CASK: variants seen among roughly 807,000 people sequenced by gnomAD.
The protein encoded by CASK is peripheral plasma membrane protein CASK.
A neutral mutation model predicts 82.9 loss-of-function variants in CASK; 4 were observed. The observed-to-expected ratio is 0.05, with a 90% CI of 0.02 to 0.11. The LOEUF (loss-of-function observed/expected upper bound fraction) is 0.11, where lower values mean the gene tolerates loss of function less well. Among genes scored for constraint, CASK ranks in the 10% least tolerant of loss-of-function variants. CASK has a pLI of 1.00. For synonymous variants in CASK, 259 were observed against 253.5 expected (o/e 1.02, Z -0.20); for missense variants, 358 against 720.9 (o/e 0.50, Z 5.76).
rs141103300 is a variant in CASK, at chrX:41,692,099, T to C, written c.430-20569A>G. Among the ~76,000 whole-genome samples the C allele has an allele frequency of 3.5e-3, 385 of 111,440 alleles. 2 individuals are homozygous for C. The highest frequency in any genetic ancestry group is 0.012 in the African/African-American group (368 of 30,672). On this transcript the variant is annotated intron_variant, in intron 5 of 26. Coordinates refer to ENST00000378163, the MANE Select transcript of CASK (RefSeq NM_001367721.1). ...CATTACCTCTTTTGTGATACCTACC[T>C]CACAGAGTATTGCAAGAATTATGTA... is the stretch of plus-strand genomic sequence containing the variant.
chrX:41,547,716 G>A (rs980760421), intron 21 of CASK, among the ~76,000 whole-genome samples: 2 of 108,637 alleles, frequency 1.8e-5, no homozygotes, highest in African/African-American at 3.4e-5. Context: ...TCCACCTCCC[G>A]GGTCCAAGCC....
At chrX:41,671,182 C>T (rs2067192686) in intron 6 of CASK, among the ~76,000 whole-genome samples, 1 of 112,135 alleles carries the variant, frequency 8.9e-6, no homozygotes, top group Non-Finnish European at 1.9e-5. Context: ...CTGTTTTAAT[C>T]TTGTACAGTC....
In CASK at chrX:41,813,614, T is replaced by C. The variant is rs771547047; in HGVS notation, c.173-26331A>G. 1.2e-3 allele frequency among the ~76,000 whole-genome samples: 130 copies of C among 111,846 alleles called. 1 individual carries two copies. Among genetic ancestry groups the C allele is most frequent in the African/African-American group, 3.8e-3 (117 of 30,756 alleles). On this transcript the variant is annotated intron_variant, in intron 2 of 26. Transcript: ENST00000378163. ...ATTCAAGGTGGATTAAAGACTTAAATATTAGACCTAAAACCATAAAAACCC... is the reference window on the plus strand; with the variant it reads ...ATTCAAGGTGGATTAAAGACTTAAACATTAGACCTAAAACCATAAAAACCC...
At chrX:41,673,843 T>TG (rs2067229610) in intron 5 of CASK, among the ~76,000 whole-genome samples, 2 of 104,103 alleles carry the variant, frequency 1.9e-5, no homozygotes, top group Non-Finnish European at 3.9e-5. Context: ...TTTTTTTTTT[T>TG]TTTTTTTTTG....
chrX:41,762,039 CTT>C, intron 3 of CASK, among the ~76,000 whole-genome samples: 1 of 111,977 alleles, frequency 8.9e-6, no homozygotes, highest in Middle Eastern at 4.6e-3. Flanking sequence ...CAAGTAGTAA[CTT>C]ATTTAATCCT....
rs2064534122 is a variant in CASK, at chrX:41,515,577, C to G, written c.*4843G>C. ...CGTGAGGATTGGGCGGCCTTCACAT[C>G]AGTCACGCTGCCTGCTGCACCCGGC... On this transcript the variant is annotated 3_prime_UTR_variant, in exon 27 of 27. Transcript: ENST00000378163. 8.9e-6 allele frequency: 1 copy of G among 111,992 alleles called. No individual in the cohort carries two copies. The highest frequency in any genetic ancestry group is 2.8e-4 in the East Asian group (1 of 3,564). 9.2% of individuals were successfully genotyped at this position (111,992 alleles called of 1,213,427 possible). A position where few individuals can be genotyped will look rare whatever the true frequency, so the allele number is the denominator to read the frequency against.
At chrX:41,584,193 A>T (rs144238095) in intron 14 of CASK, 1 of 112,992 alleles carries the variant, frequency 8.9e-6, no homozygotes, top group Non-Finnish European at 1.9e-5. Context: ...GATACTATGG[A>T]GCAACTAATA....
At chrX:41,554,719 C>T (rs769283431) in intron 20 of CASK, among the ~76,000 whole-genome samples, 1 of 111,375 alleles carries the variant, frequency 9.0e-6, no homozygotes, top group Admixed American at 9.6e-5. Flanking sequence ...TTTTTAAATG[C>T]TTTAAGATAA....
chrX:41,907,616 TA>T (rs1382088730), intron 1 of CASK, among the ~76,000 whole-genome samples: 1 of 111,513 alleles, frequency 9.0e-6, no homozygotes, highest in Non-Finnish European at 1.9e-5. Context: ...TTGCCCGAAA[TA>T]TTCAATATCT....
At chrX:41,576,255 G>A (rs762749013) in intron 15 of CASK, among the ~76,000 whole-genome samples, 2 of 111,150 alleles carry the variant, frequency 1.8e-5, no homozygotes, top group Non-Finnish European at 3.8e-5. Flanking sequence ...TTACAGGTGT[G>A]AGCCACTGCA....
At chrX:41,798,935 C>T (rs1277924965) in intron 2 of CASK, among the ~76,000 whole-genome samples, 1 of 112,186 alleles carries the variant, frequency 8.9e-6, no homozygotes, top group Non-Finnish European at 1.9e-5. Flanking sequence ...GTAGTCTGGC[C>T]CCAGAACCTA....
At chrX:41,684,142 G>C (rs1286492687) in intron 5 of CASK, among the ~76,000 whole-genome samples, 1 of 112,215 alleles carries the variant, frequency 8.9e-6, no homozygotes, top group Admixed American at 9.5e-5. Context: ...CTTGTGAGTG[G>C]AAGTTTGAAG....
chrX:41,785,621 GGA>G (rs1223321745), intron 3 of CASK, among the ~76,000 whole-genome samples: 2 of 112,323 alleles, frequency 1.8e-5, no homozygotes, highest in African/African-American at 6.5e-5. Flanking sequence ...TTTGAATGAA[GGA>G]GTTAACATTA....
At chrX:41,672,112 C>T (rs774081212) in intron 5 of CASK, among the ~76,000 whole-genome samples, 3 of 110,793 alleles carry the variant, frequency 2.7e-5, no homozygotes, top group African/African-American at 9.9e-5. Context: ...GACTTCAACG[C>T]TCTTCCTGGG....
In CASK at chrX:41,619,304, C is replaced by CT. The variant is rs778017710; in HGVS notation, c.1033+3312dup. Among the ~76,000 whole-genome samples the CT allele has an allele frequency of 3.6e-3, 371 of 103,008 alleles. 1 individual carries two copies. Among genetic ancestry groups the CT allele is most frequent in the African/African-American group, 0.011 (316 of 28,567 alleles). 89.5% of individuals were successfully genotyped at this position (103,008 alleles called of 115,157 possible). A position where few individuals can be genotyped will look rare whatever the true frequency, so the allele number is the denominator to read the frequency against. On this transcript the variant is annotated intron_variant, in intron 11 of 26. Coordinates refer to ENST00000378163, the MANE Select transcript of CASK (RefSeq NM_001367721.1). ...TCTAAAAATCAGGTTTATAATCATA[C>CT]TTTTTTTTTTTTTAAATAGAGATGG...
chrX:41,693,659 G>T (rs1483339131), intron 5 of CASK, among the ~76,000 whole-genome samples: 1 of 111,443 alleles, frequency 9.0e-6, no homozygotes, highest in Non-Finnish European at 1.9e-5. Context: ...CAGAATCTTA[G>T]ATCACAAGAA....
intron 2 of CASK, among the ~76,000 whole-genome samples, chrX:41,833,393 C>T (rs1156270464): frequency 8.9e-6 from 1 of 111,839 alleles, no homozygotes; most frequent in East Asian, 2.8e-4. Context: ...AGATGCAACA[C>T]ATATTCTATG....
chrX:41,912,790 T>TTATATATATATATATA (rs202164173), intron 1 of CASK, among the ~76,000 whole-genome samples: 86 of 97,916 alleles, frequency 8.8e-4, no homozygotes, highest in Non-Finnish European at 1.6e-3. Flanking sequence ...TGCAAGTAAT[T>TTATATATATATATATA]TATATATATA....
chrX:41,631,787 A>G (rs938167994), intron 9 of CASK, among the ~76,000 whole-genome samples: 2 of 111,609 alleles, frequency 1.8e-5, no homozygotes, highest in Non-Finnish European at 3.8e-5. Context: ...TGTATTTCTT[A>G]AAAAAAATCA....
Sources: allele counts gnomAD v4.1 joint callset (sites outside exome capture counted in the v4.1 genomes callset), GRCh38; gene constraint gnomAD v4.1.1; transcripts MANE v1.5; gene names NCBI Gene and HGNC (gene_info 2026-07-23, HGNC 2026-07-21).